KANK4: variants seen among roughly 807,000 people sequenced by gnomAD.
The protein encoded by KANK4 is KN motif and ankyrin repeat domains 4.
A neutral mutation model predicts 80.8 loss-of-function variants in KANK4; 50 were observed. That is an observed-to-expected ratio of 0.62 (90% CI 0.49 to 0.78). The LOEUF (loss-of-function observed/expected upper bound fraction) is 0.78. KANK4 is among the 30% of genes least tolerant of loss of function. KANK4 has a pLI of 0.00. For missense variants in KANK4, 1,196 were observed against 1,240.1 expected, an observed-to-expected ratio of 0.96 and a Z score of 0.53; for synonymous variants, 465 against 506.9, an observed-to-expected ratio of 0.92 and a Z score of 1.11.
At chr1:62,304,825 C>T (rs2149169058) in intron 1 of KANK4, among the ~76,000 whole-genome samples, 1 of 152,202 alleles carries the variant, frequency 6.6e-6, no homozygotes, top group Middle Eastern at 3.4e-3. Context: ...GATCCTAACT[C>T]AGATTTGTCC....
At chr1:62,294,354 T>C (rs1644340429) in intron 1 of KANK4, among the ~76,000 whole-genome samples, 3 of 152,098 alleles carry the variant, frequency 2.0e-5, no homozygotes. Flanking sequence ...AGCGAAAGCC[T>C]CTCAAGGGTA....
chr1:62,284,158 CA>C (rs779903398), intron 1 of KANK4, among the ~76,000 whole-genome samples: 19 of 152,290 alleles, frequency 1.2e-4, no homozygotes. Flanking sequence ...ATGGTCCTAG[CA>C]ACAGACATCG....
chr1:62,289,362 C>A (rs1207170861), intron 1 of KANK4, among the ~76,000 whole-genome samples: 2 of 152,146 alleles, frequency 1.3e-5, no homozygotes, highest in African/African-American at 2.4e-5. Flanking sequence ...CTGCTCTTAA[C>A]CATGGTACAG....
intron 8 of KANK4, among the ~76,000 whole-genome samples, chr1:62,248,366 G>C (rs888389409): frequency 6.6e-6 from 1 of 151,926 alleles, no homozygotes; most frequent in Admixed American, 6.6e-5. Flanking sequence ...TTGATTCTTG[G>C]TTTTTCTTTT....
chr1:62,286,400 G>A (rs10889317), intron 1 of KANK4, among the ~76,000 whole-genome samples: 50,995 of 152,110 alleles, frequency 0.34, 9,233 homozygotes, highest in East Asian at 0.64. Flanking sequence ...TTTTGCTCCC[G>A]GGAATAGGTG....
At chr1:62,264,977 G>A (rs150383496) in intron 6 of KANK4, among the ~76,000 whole-genome samples, 10 of 152,152 alleles carry the variant, frequency 6.6e-5, no homozygotes, top group African/African-American at 1.9e-4. Context: ...GATTATAGGC[G>A]CGGGCCACCA....
At chr1:62,260,613 C>G (rs1671862705) in intron 7 of KANK4, among the ~76,000 whole-genome samples, 1 of 152,202 alleles carries the variant, frequency 6.6e-6, no homozygotes, top group South Asian at 2.1e-4. Context: ...ACTCTGCTAG[C>G]TGGTTTCCTC....
chr1:62,248,631 C>T (rs1257079256), intron 8 of KANK4, among the ~76,000 whole-genome samples: 7 of 151,436 alleles, frequency 4.6e-5, no homozygotes, highest in East Asian at 2.0e-4. Context: ...CTGCAACCTC[C>T]GCCTCCAGGT....
chr1:62,248,529 T>C (rs1465005915), intron 8 of KANK4, among the ~76,000 whole-genome samples: 2 of 141,454 alleles, frequency 1.4e-5, no homozygotes, highest in African/African-American at 5.3e-5. Context: ...CCACTCAATA[T>C]ACCTGGTTAG....
In KANK4 at chr1:62,274,550, G is replaced by T; in HGVS notation, c.554C>A (p.Pro185His). The change falls in exon 3 of 10, where the codon CCT (proline) becomes CAT (histidine). Residue 185 changes from proline (P) to histidine (H), a missense_variant. Pro to His is a moderately conservative substitution (Grantham distance 77, BLOSUM62 -2). Around this residue, in one of 3 missense-constraint regions of KANK4, gnomAD observed 1,154 missense variants for 1,179.6 expected, o/e 0.98. Coordinates refer to ENST00000371153, the MANE Select transcript of KANK4 (RefSeq NM_181712.5). ...AAGGGGAGGGAGGGCAGGAGGGGCA[G>T]GGGGCCCCAGGCTCAGGCCTGGCTC... Reference protein sequence around the residue: ...SEEPGLSLGPPAPPALPPLQG... With the variant: ...SEEPGLSLGPHAPPALPPLQG... The T allele has an allele frequency of 6.2e-7, 1 of 1,614,020 alleles. No homozygotes were observed. Among genetic ancestry groups the T allele is most frequent in the Non-Finnish European group, 8.5e-7 (1 of 1,179,906 alleles).
At chr1:62,315,865 C>G (rs1467341838) in intron 1 of KANK4, among the ~76,000 whole-genome samples, 1 of 152,218 alleles carries the variant, frequency 6.6e-6, no homozygotes, top group Non-Finnish European at 1.5e-5. Context: ...CTTCCCTTCC[C>G]CCTGCAGAGC....
At position 62,236,179 on chromosome 1, in the gene KANK4, T is replaced by C. The variant is rs1371861683; in HGVS notation, c.*2098A>G. On this transcript the variant is annotated 3_prime_UTR_variant, in exon 10 of 10. Transcript: ENST00000371153. ...AGACAGAAGACTGAGAGGCAGCATT[T>C]TAATATAACAAACAATAAGGATAGG... Among the ~76,000 whole-genome samples, 1 of 152,050 alleles carries C rather than the reference T, an allele frequency of 6.6e-6. No homozygotes were observed. Among genetic ancestry groups the C allele is most frequent in the African/African-American group, 2.4e-5 (1 of 41,400 alleles).
chr1:62,276,199 G>T (rs60767478), intron 2 of KANK4, among the ~76,000 whole-genome samples: 2,935 of 152,256 alleles, frequency 0.019, 91 homozygotes, highest in African/African-American at 0.068. Context: ...TCGACTATCT[G>T]CATCCATAGG....
chr1:62,307,137 G>A (rs900340404), intron 1 of KANK4, among the ~76,000 whole-genome samples: 1 of 150,760 alleles, frequency 6.6e-6, no homozygotes. Flanking sequence ...AGGCCATCAT[G>A]CAGGAAGCAT....
intron 9 of KANK4, among the ~76,000 whole-genome samples, chr1:62,242,134 AC>A (rs1380607739): frequency 1.3e-5 from 2 of 151,520 alleles, no homozygotes; most frequent in Non-Finnish European, 2.9e-5. Flanking sequence ...GCTCTAGGAG[AC>A]CCCGACTGAA....
chr1:62,239,177 C>T (rs1671280991), intron 9 of KANK4, among the ~76,000 whole-genome samples: 1 of 151,988 alleles, frequency 6.6e-6, no homozygotes, highest in South Asian at 2.1e-4. Flanking sequence ...TTTGGGATTA[C>T]AGACATGAAT....
intron 8 of KANK4, among the ~76,000 whole-genome samples, chr1:62,248,478 C>T (rs1439541780): frequency 6.6e-6 from 1 of 152,028 alleles, no homozygotes; most frequent in Middle Eastern, 3.2e-3. Flanking sequence ...AAGTGATTCT[C>T]CCACCTTAGC....
At chr1:62,288,900 A>G (rs779308650) in intron 1 of KANK4, among the ~76,000 whole-genome samples, 4 of 152,240 alleles carry the variant, frequency 2.6e-5, no homozygotes, top group Non-Finnish European at 5.9e-5. Flanking sequence ...TCAAAGAAGA[A>G]ATACAAATGG....
At chr1:62,316,843 C>T (rs373576692) in intron 1 of KANK4, among the ~76,000 whole-genome samples, 7 of 152,144 alleles carry the variant, frequency 4.6e-5, no homozygotes, top group African/African-American at 1.7e-4. Context: ...TTTTAAGGTG[C>T]TCAGTGTAGC....
Sources: gnomAD v4.1 joint callset for allele counts (sites outside exome capture counted in the v4.1 genomes callset) on GRCh38, gnomAD v4.1.1 for gene constraint, gnomAD v4.1.1 regional missense constraint, MANE v1.5 for transcripts, NCBI Gene and HGNC (gene_info 2026-07-23, HGNC 2026-07-21) for gene names.